The following PHF24 variants were observed in gnomAD, a reference collection of about 807,000 sequenced individuals.
PHF24 encodes the protein PHD finger protein 24, also known as Galpha inhibitory interacting protein.
Under a neutral mutation model 42.6 loss-of-function variants are expected in PHF24, and 25 were observed. The observed-to-expected ratio is 0.59, with a 90% CI of 0.43 to 0.82. The LOEUF (loss-of-function observed/expected upper bound fraction) is 0.82, where lower values mean the gene tolerates loss of function less well. Ranked by LOEUF, PHF24 falls within the 40% of genes least tolerant of loss-of-function variation. The pLI is 0.00. For synonymous variants in PHF24, 185 were observed against 204.8 expected (o/e 0.90, Z 0.83); for missense variants, 470 against 538.1 (o/e 0.87, Z 1.25).
the PHF24 span, among the ~76,000 whole-genome samples, chr9:34,901,224 G>T: frequency 1.2e-3 from 186 of 152,262 alleles, 1 homozygote; most frequent in African/African-American, 4.4e-3. Context: ...AAAGAGAAGA[G>T]AATACTTCTC....
At chr9:34,715,879 C>A in the PHF24 span, among the ~76,000 whole-genome samples, 1 of 152,172 alleles carries the variant, frequency 6.6e-6, no homozygotes, top group African/African-American at 2.4e-5. Flanking sequence ...TGGAAAGGGC[C>A]ACATTCCCTT....
the PHF24 span, among the ~76,000 whole-genome samples, chr9:34,888,644 T>C: frequency 6.6e-6 from 1 of 152,338 alleles, no homozygotes; most frequent in South Asian, 2.1e-4. Flanking sequence ...TGATAAACAT[T>C]CCTAAAGGAA....
the PHF24 span, among the ~76,000 whole-genome samples, chr9:34,886,255 TAAA>T: frequency 7.3e-6 from 1 of 137,458 alleles, no homozygotes; most frequent in Non-Finnish European, 1.6e-5. Flanking sequence ...TCTCCTGTCT[TAAA>T]AAAAAAAAAA....
chr9:34,823,127 C>T, the PHF24 span, among the ~76,000 whole-genome samples: 4 of 135,084 alleles, frequency 3.0e-5, no homozygotes, highest in African/African-American at 1.1e-4. Context: ...ACCCGGGAAG[C>T]GGAGCTTGCA....
the PHF24 span, among the ~76,000 whole-genome samples, chr9:34,761,659 G>A: frequency 6.6e-6 from 1 of 151,826 alleles, no homozygotes; most frequent in Non-Finnish European, 1.5e-5. Flanking sequence ...TAGAGAGAGA[G>A]CCCTACTCAT....
chr9:34,766,126 C>G, the PHF24 span, among the ~76,000 whole-genome samples: 2 of 152,110 alleles, frequency 1.3e-5, no homozygotes, highest in Non-Finnish European at 2.9e-5. Context: ...CTCTGGCTAC[C>G]CTTAATATTT....
At chr9:34,744,748 G>C in the PHF24 span, among the ~76,000 whole-genome samples, 2 of 152,176 alleles carry the variant, frequency 1.3e-5, no homozygotes, top group Non-Finnish European at 2.9e-5. Flanking sequence ...AAATGTGTCA[G>C]GGTGTAAAAA....
the PHF24 span, among the ~76,000 whole-genome samples, chr9:34,781,722 G>GA: frequency 9.3e-4 from 131 of 141,326 alleles, no homozygotes; most frequent in Middle Eastern, 0.011. Context: ...GGCTGTTAGG[G>GA]AAAAAAAAAA....
At chr9:34,961,868 A>T (rs141036566) in intron 1 of PHF24, among the ~76,000 whole-genome samples, 1 of 152,336 alleles carries the variant, frequency 6.6e-6, no homozygotes, top group African/African-American at 2.4e-5. Context: ...TTTGGTTTTG[A>T]GAAATGCTTC....
At chr9:34,938,868 C>T in the PHF24 span, among the ~76,000 whole-genome samples, 2 of 133,660 alleles carry the variant, frequency 1.5e-5, no homozygotes, top group East Asian at 2.5e-4. Context: ...ACCCAAGAGG[C>T]GGAGCTTGCA....
At position 34,963,261 on chromosome 9, in the gene PHF24, T is replaced by G. The variant is rs1253241844; in HGVS notation, c.-5+4860T>G. 4.1e-5 allele frequency among the ~76,000 whole-genome samples: 4 copies of G among 97,824 alleles called. No homozygotes were observed. The South Asian group carries it at 1.6e-3, about 40-fold the overall frequency. 64.2% of individuals were successfully genotyped at this position (97,824 alleles called of 152,430 possible). A position where few individuals can be genotyped will look rare whatever the true frequency, so the allele number is the denominator to read the frequency against. On this transcript the variant is annotated intron_variant, in intron 1 of 7. Coordinates refer to ENST00000242315, the Ensembl canonical transcript of PHF24. The stretch of plus-strand genomic sequence containing the variant: ...CGCACGAGAACTCTTTTTGATGGTT[T>G]TTTTTTTTTTTTTTTTGCTTAAAAT...
At chr9:34,766,095 T>C in the PHF24 span, among the ~76,000 whole-genome samples, 19,857 of 152,196 alleles carry the variant, frequency 0.13, 1,425 homozygotes, top group Middle Eastern at 0.26. Context: ...GGCTTCCCTT[T>C]GTGGGTAACC....
the PHF24 span, among the ~76,000 whole-genome samples, chr9:34,729,721 C>T: frequency 6.6e-5 from 10 of 152,324 alleles, no homozygotes; most frequent in South Asian, 1.5e-3. Flanking sequence ...CAGCCTGATG[C>T]CTCGGCTCTC....
At chr9:34,738,948 A>G in the PHF24 span, among the ~76,000 whole-genome samples, 1 of 152,208 alleles carries the variant, frequency 6.6e-6, no homozygotes, top group African/African-American at 2.4e-5. Context: ...GTCCAATGAC[A>G]TTAATCTCTA....
the PHF24 span, among the ~76,000 whole-genome samples, chr9:34,941,583 AT>A: frequency 6.6e-6 from 1 of 152,222 alleles, no homozygotes; most frequent in Non-Finnish European, 1.5e-5. Context: ...ATATCATAAA[AT>A]GGGTACCTTA....
chr9:34,840,346 T>G, the PHF24 span, among the ~76,000 whole-genome samples: 1 of 151,598 alleles, frequency 6.6e-6, no homozygotes, highest in Non-Finnish European at 1.5e-5. Context: ...AAAAATGAAT[T>G]TCAATGTTTT....
chr9:34,873,190 CAGA>C, the PHF24 span, among the ~76,000 whole-genome samples: 2 of 151,648 alleles, frequency 1.3e-5, no homozygotes, highest in Non-Finnish European at 3.0e-5. Flanking sequence ...TTTTGCTGTG[CAGA>C]AGCTCTTTAG....
the PHF24 span, among the ~76,000 whole-genome samples, chr9:34,942,974 T>A: frequency 6.6e-5 from 10 of 151,930 alleles, no homozygotes; most frequent in Admixed American, 2.6e-4. Context: ...CATTGTGCAC[T>A]TGTACCCTAG....
chr9:34,846,029 T>A, the PHF24 span, among the ~76,000 whole-genome samples: 1 of 152,122 alleles, frequency 6.6e-6, no homozygotes, highest in African/African-American at 2.4e-5. Flanking sequence ...TTCCAAGTCT[T>A]TGCTATTGTG....
Sources: allele counts gnomAD v4.1 joint callset (sites outside exome capture counted in the v4.1 genomes callset), GRCh38; gene constraint gnomAD v4.1.1; transcripts MANE v1.5; gene names NCBI Gene and HGNC (gene_info 2026-07-23, HGNC 2026-07-21).